The following TNIP3 variants were observed in gnomAD, a reference collection of about 807,000 sequenced individuals.
The protein encoded by TNIP3 is TNFAIP3 interacting protein 3, also known as TNFAIP3-interacting protein 3.
A neutral mutation model predicts 54.1 loss-of-function variants in TNIP3; 34 were observed. The ratio of observed to expected loss-of-function variants is 0.63; its 90% CI spans 0.48 to 0.84. The LOEUF (loss-of-function observed/expected upper bound fraction) is 0.84, where lower values mean the gene tolerates loss of function less well. Among genes scored for constraint, TNIP3 ranks in the 40% least tolerant of loss-of-function variants. The pLI, the probability that TNIP3 is intolerant of heterozygous loss-of-function variation, is 0.00. For synonymous variants in TNIP3, 134 were observed against 136.8 expected (o/e 0.98, Z 0.14); for missense variants, 366 against 387.6 (o/e 0.94, Z 0.47).
chr4:121,208,814 A>G (rs894421286), intron 2 of TNIP3, among the ~76,000 whole-genome samples: 1 of 152,206 alleles, frequency 6.6e-6, no homozygotes, highest in Non-Finnish European at 1.5e-5. Context: ...TATTTTAACT[A>G]TACAGTCCTC....
At position 121,142,711 on chromosome 4, in the gene TNIP3, A is replaced by G. The variant is rs769225364; in HGVS notation, c.786+15T>C. 1 of 1,605,622 alleles carries G rather than the reference A, an allele frequency of 6.2e-7. No individual in the cohort carries two copies. The highest frequency in any genetic ancestry group is 8.5e-7 in the Non-Finnish European group (1 of 1,172,918). Reference sequence around the variant, plus strand: ...CATGGGAATAAATGTATGCGTGAAAATTAGATCAACATACCTGTTTTAATT... The same window carrying G: ...CATGGGAATAAATGTATGCGTGAAAGTTAGATCAACATACCTGTTTTAATT... On this transcript the variant is annotated intron_variant, in intron 8 of 10. Coordinates refer to ENST00000057513, the MANE Select transcript of TNIP3 (RefSeq NM_024873.6).
At chr4:121,202,481 A>C (rs1725946094) in intron 2 of TNIP3, among the ~76,000 whole-genome samples, 1 of 152,086 alleles carries the variant, frequency 6.6e-6, no homozygotes, top group South Asian at 2.1e-4. Flanking sequence ...ACATTGGAAA[A>C]ACCTTTCTAG....
At chr4:121,183,049 C>T (rs540348750) in intron 2 of TNIP3, among the ~76,000 whole-genome samples, 1 of 152,290 alleles carries the variant, frequency 6.6e-6, no homozygotes, top group African/African-American at 2.4e-5. Flanking sequence ...AGAACAATGG[C>T]AAGAATTGAA....
intron 5 of TNIP3, among the ~76,000 whole-genome samples, chr4:121,151,637 G>C (rs975387846): frequency 2.0e-5 from 3 of 152,022 alleles, no homozygotes; most frequent in African/African-American, 7.2e-5. Flanking sequence ...AGAATCTAGG[G>C]TGGGGTGGGC....
At chr4:121,193,357 T>C (rs1041290763) in intron 2 of TNIP3, among the ~76,000 whole-genome samples, 6 of 152,216 alleles carry the variant, frequency 3.9e-5, no homozygotes, top group Non-Finnish European at 7.4e-5. Flanking sequence ...TGATCCAATA[T>C]GGCATACTTT....
rs1405724647 is a variant in TNIP3 at position 121,132,149 on chromosome 4, C to G, written c.*482G>C. The G allele has an allele frequency of 6.4e-6, 1 of 155,796 alleles. No individual in the cohort carries two copies. The highest frequency in any genetic ancestry group is 1.4e-5 in the Non-Finnish European group (1 of 70,986). The allele number at this position is 155,796 out of a possible 1,614,324, so 9.7% of individuals were successfully genotyped here. ...TAGTCAAATAGCTAAAGAACTAAGG[C>G]CCTGTGGAAGAAGAATGGGAGCAAT... On this transcript the variant is annotated 3_prime_UTR_variant, in exon 11 of 11. Coordinates refer to ENST00000057513, the MANE Select transcript of TNIP3 (RefSeq NM_024873.6).
chr4:121,205,293 A>C (rs1367142681), intron 2 of TNIP3, among the ~76,000 whole-genome samples: 1 of 152,176 alleles, frequency 6.6e-6, no homozygotes, highest in Non-Finnish European at 1.5e-5. Context: ...TAGCCAGTGC[A>C]AAATCTCTAA....
At chr4:121,181,272 A>C (rs1183071245) in intron 3 of TNIP3, among the ~76,000 whole-genome samples, 2 of 152,226 alleles carry the variant, frequency 1.3e-5, no homozygotes, top group African/African-American at 4.8e-5. Context: ...TATTGTCACC[A>C]TGAAATTTCT....
intron 7 of TNIP3, among the ~76,000 whole-genome samples, chr4:121,142,986 T>C (rs1401770113): frequency 6.6e-6 from 1 of 152,248 alleles, no homozygotes; most frequent in Non-Finnish European, 1.5e-5. Flanking sequence ...TTCCAGTTTT[T>C]TGAGGCCATT....
chr4:121,153,315 A>C (rs1218027999), intron 5 of TNIP3, among the ~76,000 whole-genome samples: 1 of 152,190 alleles, frequency 6.6e-6, no homozygotes, highest in Admixed American at 6.5e-5. Flanking sequence ...AAACTACAGC[A>C]TTCTTGGCTG....
At chr4:121,155,995 A>T (rs1233338070) in intron 4 of TNIP3, among the ~76,000 whole-genome samples, 1 of 152,202 alleles carries the variant, frequency 6.6e-6, no homozygotes, top group Non-Finnish European at 1.5e-5. Context: ...TATTCCAATA[A>T]GATAATGGTC....
chr4:121,142,090 C>G (rs1056386147), intron 8 of TNIP3, among the ~76,000 whole-genome samples, 176 bp from the exon 9 acceptor site: 1 of 152,138 alleles, frequency 6.6e-6, no homozygotes, highest in African/African-American at 2.4e-5. Flanking sequence ...ACGAGGCTCA[C>G]AGGTCAAGTT....
At chr4:121,146,938 C>T in intron 7 of TNIP3, 111 bp downstream of exon 7, 1 of 1,296,064 alleles carries the variant, frequency 7.7e-7, no homozygotes, top group East Asian at 2.5e-5. Flanking sequence ...AGGTGCTGAC[C>T]TTTAAAAAAA....
chr4:121,191,562 C>T (rs542291317), intron 2 of TNIP3, among the ~76,000 whole-genome samples: 169 of 152,270 alleles, frequency 1.1e-3, no homozygotes, highest in Non-Finnish European at 2.1e-3. Context: ...GTAACCACAT[C>T]CTGTGTCAAC....
upstream of TNIP3, among the ~76,000 whole-genome samples, chr4:121,221,253 A>C (rs919774769): frequency 1.3e-5 from 2 of 151,942 alleles, no homozygotes; most frequent in South Asian, 2.1e-4. Context: ...AGTCTAAATC[A>C]CTCTTAATAT....
At chr4:121,181,637 G>GTGTC (rs1724712522) in intron 3 of TNIP3, among the ~76,000 whole-genome samples, 1 of 151,858 alleles carries the variant, frequency 6.6e-6, no homozygotes. Context: ...GTGTGTGTGT[G>GTGTC]TGTGTGTGTG....
intron 3 of TNIP3, among the ~76,000 whole-genome samples, chr4:121,172,502 T>C (rs1225044773): frequency 6.6e-6 from 1 of 152,228 alleles, no homozygotes; most frequent in Non-Finnish European, 1.5e-5. Flanking sequence ...GGGGGATCAC[T>C]GTAACCCTGA....
At chr4:121,163,321 A>G (rs2148816538) in intron 1 of TNIP3, among the ~76,000 whole-genome samples, 1 of 152,236 alleles carries the variant, frequency 6.6e-6, no homozygotes, top group South Asian at 2.1e-4. Flanking sequence ...GGTTTGGGGG[A>G]CCTTTTCAAT....
chr4:121,161,260 C>A, intron 1 of TNIP3, 44 bp from the exon 2 acceptor site: 2 of 1,490,736 alleles, frequency 1.3e-6, no homozygotes, highest in Non-Finnish European at 1.8e-6. Flanking sequence ...AAGCTGTTTA[C>A]AAAATAAACA....
Sources: gnomAD v4.1 joint callset for allele counts (sites outside exome capture counted in the v4.1 genomes callset) on GRCh38, gnomAD v4.1.1 for gene constraint, MANE v1.5 for transcripts, NCBI Gene and HGNC (gene_info 2026-07-23, HGNC 2026-07-21) for gene names.